Variants in EGFR observed in about 807,000 individuals in gnomAD.
The protein encoded by EGFR is epidermal growth factor receptor, also known as avian erythroblastic leukemia viral (v-erb-b) oncogene homolog.
In EGFR, 58 loss-of-function variants were observed where a neutral mutation model predicts 143.0. That is an observed-to-expected ratio of 0.41 (90% CI 0.33 to 0.50). The LOEUF is 0.50. Among genes scored for constraint, EGFR ranks in the 20% least tolerant of loss-of-function variants. EGFR has a pLI of 0.39. For missense variants in EGFR, 1,307 were observed against 1,579.0 expected (o/e 0.83, Z 2.92); for synonymous variants, 613 against 594.4 (o/e 1.03, Z -0.45).
intron 1 of EGFR, among the ~76,000 whole-genome samples, chr7:55,113,381 C>T (rs1792635133): frequency 6.6e-6 from 1 of 152,186 alleles, no homozygotes; most frequent in South Asian, 2.1e-4. Flanking sequence ...AATCACCTGG[C>T]ACCCAGGAAA....
At chr7:55,096,662 C>T (rs1284650462) in intron 1 of EGFR, among the ~76,000 whole-genome samples, 2 of 152,150 alleles carry the variant, frequency 1.3e-5, no homozygotes, top group East Asian at 1.9e-4. Context: ...TGGGAACTGC[C>T]GCACGGCCAC....
rs1583859963 is a variant in EGFR, at chr7:55,028,138, C to G, written c.88+8773C>G. Among the ~76,000 whole-genome samples the G allele has an allele frequency of 2.0e-5, 3 of 151,408 alleles. No individual in the cohort carries two copies. The South Asian group carries it at 6.3e-4, about 32-fold the overall frequency. Reference sequence around the variant, plus strand: ...AGAAATGTGATATCTGACGATTTTACCACTACATGCTTGCAGGCCAGTGCA... The same window carrying G: ...AGAAATGTGATATCTGACGATTTTAGCACTACATGCTTGCAGGCCAGTGCA... On this transcript the variant is annotated intron_variant, in intron 1 of 27. Coordinates refer to ENST00000275493, the MANE Select transcript of EGFR (RefSeq NM_005228.5).
chr7:55,124,557 A>G (rs748664879), intron 1 of EGFR, among the ~76,000 whole-genome samples: 41 of 152,198 alleles, frequency 2.7e-4, no homozygotes, highest in Non-Finnish European at 5.4e-4. Context: ...CATTATCATC[A>G]TCTGCAAGTT....
At position 55,205,661 on chromosome 7, in the gene EGFR, T is replaced by C; in HGVS notation, c.*44T>C. The C allele has an allele frequency of 6.2e-7, 1 of 1,613,696 alleles. No homozygotes were observed. The highest frequency in any genetic ancestry group is 8.5e-7 in the Non-Finnish European group (1 of 1,179,932). Reference sequence around the variant, plus strand: ...GCCCTAAAAATCCAGACTCTTTCGATACCCAGGACCAAGCCACAGCAGGTC... The same window carrying C: ...GCCCTAAAAATCCAGACTCTTTCGACACCCAGGACCAAGCCACAGCAGGTC... On this transcript the variant is annotated 3_prime_UTR_variant, in exon 28 of 28. Coordinates refer to ENST00000275493, the MANE Select transcript of EGFR (RefSeq NM_005228.5).
intron 1 of EGFR, among the ~76,000 whole-genome samples, chr7:55,025,663 T>C (rs1239480541): frequency 6.6e-6 from 1 of 152,212 alleles, no homozygotes; most frequent in Non-Finnish European, 1.5e-5. Context: ...TGTCAGTTAC[T>C]TGTCTTAGAT....
intron 1 of EGFR, among the ~76,000 whole-genome samples, chr7:55,114,943 G>T (rs927518079): frequency 2.8e-5 from 4 of 145,118 alleles, no homozygotes; most frequent in Non-Finnish European, 4.5e-5. Flanking sequence ...GTGCAATGGT[G>T]CGATCTCTGC....
chr7:55,151,466 C>T lies in EGFR; in HGVS notation c.628+104C>T, dbSNP rs2075110. ...TCCCTCTGAAGACTCCAAAGAGTTACTTTATTACAGGGTCAGATGTGAACC... is the reference window on the plus strand; with the variant it reads ...TCCCTCTGAAGACTCCAAAGAGTTATTTTATTACAGGGTCAGATGTGAACC... On this transcript the variant is annotated intron_variant, in intron 5 of 27. Transcript: ENST00000275493. 636,971 of 1,206,082 alleles carry T rather than the reference C, an allele frequency of 0.53. 170,404 individuals are homozygous for T. Among genetic ancestry groups the T allele is most frequent in the African/African-American group, 0.62 (41,535 of 66,868 alleles). The allele number at this position is 1,206,082 out of a possible 1,614,324, so 74.7% of individuals were successfully genotyped here.
intron 15 of EGFR, chr7:55,166,157 A>C: frequency 2.2e-6 from 1 of 459,662 alleles, no homozygotes; most frequent in Non-Finnish European, 4.2e-6. Context: ...GTCGCAAAAA[A>C]CAAAAACAAA....
chr7:55,038,744 A>ATG (rs3063036), intron 1 of EGFR, among the ~76,000 whole-genome samples: 7,459 of 151,404 alleles, frequency 0.049, 91 homozygotes, highest in Non-Finnish European at 0.078. Context: ...GTGTGTGTGT[A>ATG]TGTGTGTGTG....
intron 22 of EGFR, among the ~76,000 whole-genome samples, 174 bp from the exon 23 acceptor site, chr7:55,198,543 C>T (rs1481256646): frequency 1.3e-5 from 2 of 152,178 alleles, no homozygotes; most frequent in African/African-American, 4.8e-5. Context: ...GCTATTACCC[C>T]ACTTTATAGA....
At chr7:55,119,471 G>C (rs1793068635) in intron 1 of EGFR, 1 of 152,260 alleles carries the variant, frequency 6.6e-6, no homozygotes, top group Non-Finnish European at 1.5e-5. Flanking sequence ...CATAATTGGA[G>C]TTGGTGTTAC....
intron 24 of EGFR, chr7:55,200,645 C>T (rs1787806999): frequency 1.7e-6 from 1 of 601,614 alleles, no homozygotes; most frequent in Non-Finnish European, 3.0e-6. Context: ...GAACTCTCCT[C>T]TGGTGCTCGT....
At chr7:55,185,411 A>G (rs955110653) in intron 20 of EGFR, among the ~76,000 whole-genome samples, 2 of 152,134 alleles carry the variant, frequency 1.3e-5, no homozygotes, top group African/African-American at 4.8e-5. Context: ...TCTTCCTGGG[A>G]TTTACAAGCC....
rs1379373864 is a variant in EGFR, at chr7:55,174,780, G to A, written c.2243G>A (p.Arg748Lys). ...ATTCCCGTCGCTATCAAGGAATTAA[G>A]AGAAGCAACATCTCCGAAAGCCAAC... ...VKIPVAIKEL[R>K]EATSPKANKE... is the part of the protein sequence containing the mutation. Residue 748 changes from arginine to lysine, a missense_variant, in exon 19 of 28, where the codon AGA (arginine) becomes AAA (lysine). Physicochemically the swap from Arg to Lys is conservative, Grantham distance 26 (BLOSUM62 2). This residue lies in a region of EGFR where 348 missense variants were observed against 451.5 expected (regional missense o/e 0.77). Coordinates refer to ENST00000275493, the MANE Select transcript of EGFR (RefSeq NM_005228.5). 2 of 1,614,128 alleles carry A rather than the reference G, an allele frequency of 1.2e-6. No individual in the cohort carries two copies. Among genetic ancestry groups the A allele is most frequent in the South Asian group, 1.1e-5 (1 of 91,068 alleles).
chr7:55,121,564 T>C (rs530476996), intron 1 of EGFR, among the ~76,000 whole-genome samples: 37 of 152,334 alleles, frequency 2.4e-4, no homozygotes, highest in African/African-American at 8.7e-4. Context: ...TCTGTCTCCC[T>C]GTCAGCCTTC....
chr7:55,135,049 T>C (rs1794061087), intron 1 of EGFR, among the ~76,000 whole-genome samples: 1 of 152,188 alleles, frequency 6.6e-6, no homozygotes, highest in Admixed American at 6.5e-5. Flanking sequence ...TATTCCACAG[T>C]CCCTTGTGAA....
intron 4 of EGFR, among the ~76,000 whole-genome samples, chr7:55,147,023 A>C (rs1477036838): frequency 4.6e-5 from 7 of 152,094 alleles, no homozygotes; most frequent in African/African-American, 1.7e-4. Context: ...GCTGCTGTTC[A>C]TGGGGCTGGC....
At chr7:55,176,816 T>A (rs961748874) in intron 19 of EGFR, among the ~76,000 whole-genome samples, 3 of 144,684 alleles carry the variant, frequency 2.1e-5, no homozygotes, top group African/African-American at 7.6e-5. Context: ...TAAATATATA[T>A]GATATATATT....
intron 3 of EGFR, among the ~76,000 whole-genome samples, chr7:55,145,635 A>G (rs570155767): frequency 1.3e-5 from 2 of 152,354 alleles, no homozygotes; most frequent in South Asian, 2.1e-4. Flanking sequence ...TACACACAAC[A>G]TGCCCATTCC....
Sources: gnomAD v4.1 joint callset for allele counts (sites outside exome capture counted in the v4.1 genomes callset) on GRCh38, gnomAD v4.1.1 for gene constraint, gnomAD v4.1.1 regional missense constraint, MANE v1.5 for transcripts, NCBI Gene and HGNC (gene_info 2026-07-23, HGNC 2026-07-21) for gene names.